Variants in SCAF8 observed in about 807,000 individuals in gnomAD.
SCAF8 encodes the protein SR-related and CTD-associated factor 8.
Under a neutral mutation model 140.5 loss-of-function variants are expected in SCAF8, and 23 were observed. The observed-to-expected ratio is 0.16, with a 90% CI of 0.12 to 0.23. SCAF8 has a LOEUF of 0.23. Among genes scored for constraint, SCAF8 ranks in the 10% least tolerant of loss-of-function variants. The pLI, the probability that SCAF8 is intolerant of heterozygous loss-of-function variation, is 1.00. For synonymous variants in SCAF8, 575 were observed against 528.9 expected (o/e 1.09, Z -1.20); for missense variants, 1,397 against 1,555.7 (o/e 0.90, Z 1.72).
In SCAF8 at chr6:154,832,667, C is replaced by T. The variant is rs141783008; in HGVS notation, c.3088C>T (p.Pro1030Ser). 177 of 1,613,994 alleles carry T rather than the reference C, an allele frequency of 1.1e-4. No individual in the cohort carries two copies. In the African/African-American group the frequency reaches 1.4e-3, roughly 13 times the overall value. ...AGAAACCAGGGAAAGCATTAGTAGA[C>T]CTCCCCCTGTGGATGTTAGAGATGT... ...PIETRESISRPPPVDVRDVVG... is the reference protein window; with the variant it reads ...PIETRESISRSPPVDVRDVVG... Residue 1030 changes from proline to serine, a missense_variant, in exon 20 of 20, where the codon CCT (proline) becomes TCT (serine). Coordinates refer to ENST00000367178, the MANE Select transcript of SCAF8 (RefSeq NM_014892.5).
chr6:154,750,421 C>G (rs1365014194), intron 1 of SCAF8, among the ~76,000 whole-genome samples: 13 of 151,594 alleles, frequency 8.6e-5, no homozygotes, highest in Non-Finnish European at 1.6e-4. Flanking sequence ...AGAGGAAGAT[C>G]TTGTAGAATC....
intron 8 of SCAF8, among the ~76,000 whole-genome samples, chr6:154,804,948 C>T (rs2114903892): frequency 6.6e-6 from 1 of 152,198 alleles, no homozygotes; most frequent in South Asian, 2.1e-4. Flanking sequence ...TGGTCAATTA[C>T]AATGGTAGAT....
At chr6:154,770,510 G>C (rs1776724048) in intron 1 of SCAF8, among the ~76,000 whole-genome samples, 1 of 151,884 alleles carries the variant, frequency 6.6e-6, no homozygotes, top group Admixed American at 6.6e-5. Flanking sequence ...GGTCAAGGCT[G>C]CAGTGATCGG....
Position 154,832,153 on chromosome 6 carries a change from G to GCCA in SCAF8, c.2577_2579dup (p.Pro860dup). On this transcript the variant is annotated inframe_insertion, in exon 20 of 20. Coordinates refer to ENST00000367178, the MANE Select transcript of SCAF8 (RefSeq NM_014892.5). ...ATAACTCTGGAATATTGGGAATACA[G>GCCA]CCACCCAGTGTGTCAAATAGTTCTG... 6.2e-7 allele frequency: 1 copy of GCCA among 1,614,032 alleles called. No individual in the cohort carries two copies.
At chr6:154,811,205 T>A (rs903559116) in intron 12 of SCAF8, among the ~76,000 whole-genome samples, 1 of 152,194 alleles carries the variant, frequency 6.6e-6, no homozygotes, top group Non-Finnish European at 1.5e-5. Context: ...ATTTTAGTGC[T>A]GGCTGATAAA....
At chr6:154,824,650 T>C (rs1401256847) in intron 17 of SCAF8, among the ~76,000 whole-genome samples, 1 of 152,096 alleles carries the variant, frequency 6.6e-6, no homozygotes, top group Non-Finnish European at 1.5e-5. Flanking sequence ...TTTAGAATAA[T>C]TGAAAACCAT....
At chr6:154,814,724 A>G (rs1004140625) in intron 12 of SCAF8, among the ~76,000 whole-genome samples, 10 of 152,238 alleles carry the variant, frequency 6.6e-5, no homozygotes, top group African/African-American at 2.2e-4. Context: ...AATATTTTTT[A>G]AATAAATGTC....
chr6:154,751,489 A>T (rs988581600), intron 1 of SCAF8, among the ~76,000 whole-genome samples: 3 of 152,100 alleles, frequency 2.0e-5, no homozygotes, highest in Non-Finnish European at 4.4e-5. Context: ...TGGCCTGCCA[A>T]AGTGCTGAGA....
chr6:154,789,980 T>C (rs1419688194), intron 4 of SCAF8, among the ~76,000 whole-genome samples: 1 of 152,218 alleles, frequency 6.6e-6, no homozygotes, highest in Non-Finnish European at 1.5e-5. Context: ...ATTTAGAAAT[T>C]TCACTAGTTT....
chr6:154,802,241 C>A, intron 7 of SCAF8, 94 bp downstream of exon 7: 1 of 713,334 alleles, frequency 1.4e-6, no homozygotes, highest in Non-Finnish European at 2.2e-6. Flanking sequence ...TTATTGTAGA[C>A]TTTCAGTATC....
chr6:154,822,017 A>G (rs1234032635), intron 15 of SCAF8: 2 of 305,500 alleles, frequency 6.5e-6, no homozygotes, highest in Non-Finnish European at 1.2e-5. Flanking sequence ...TATCTATTGT[A>G]TCTCTTCTAA....
At position 154,745,146 on chromosome 6, in the gene SCAF8, A is replaced by G. The variant is rs1031634879; in HGVS notation, c.30+11216A>G. 1.1e-4 allele frequency among the ~76,000 whole-genome samples: 16 copies of G among 152,320 alleles called. No individual in the cohort carries two copies. In the East Asian group the frequency reaches 1.3e-3, roughly 13 times the overall value. On this transcript the variant is annotated intron_variant, in intron 1 of 19. Transcript: ENST00000367178. ...TCTTAGTCTCCCTTAATGTGAATCA[A>G]TTGGTTACTCCTCTTCTCTTGTATG...
chr6:154,772,780 AGAGTCTCCCTCTG>A, intron 1 of SCAF8, among the ~76,000 whole-genome samples: 1 of 152,148 alleles, frequency 6.6e-6, no homozygotes, highest in Admixed American at 6.5e-5. Context: ...TTTTTGAGAC[AGAGTCTCCCTCTG>A]GAGTCTCCCA....
intron 4 of SCAF8, among the ~76,000 whole-genome samples, chr6:154,790,442 T>G (rs573211093): frequency 7.3e-5 from 11 of 151,588 alleles, no homozygotes; most frequent in Admixed American, 2.0e-4. Context: ...CAGATCTTTA[T>G]TCTGAAAATT....
chr6:154,788,069 T>G, intron 4 of SCAF8, 47 bp downstream of exon 4: 3 of 1,487,118 alleles, frequency 2.0e-6, no homozygotes, highest in Non-Finnish European at 2.7e-6. Context: ...GTAGATACAG[T>G]AGCCTCTTGG....
At chr6:154,791,599 A>G (rs1159615415) in intron 4 of SCAF8, among the ~76,000 whole-genome samples, 1 of 151,828 alleles carries the variant, frequency 6.6e-6, no homozygotes, top group African/African-American at 2.4e-5. Context: ...TCCTTCTGGT[A>G]TACTGTCTTA....
chr6:154,802,567 A>G (rs201030243), intron 7 of SCAF8, among the ~76,000 whole-genome samples: 2 of 152,244 alleles, frequency 1.3e-5, no homozygotes, highest in East Asian at 3.9e-4. Context: ...CAGTGAGCCA[A>G]GATTGAGCAA....
chr6:154,776,475 GAATT>G (rs1776922093), intron 2 of SCAF8, among the ~76,000 whole-genome samples: 1 of 152,000 alleles, frequency 6.6e-6, no homozygotes, highest in African/African-American at 2.4e-5. Context: ...AGGCCTATGA[GAATT>G]AATAAACTTT....
At chr6:154,796,700 C>T (rs551897170) in intron 6 of SCAF8, among the ~76,000 whole-genome samples, 197 of 152,226 alleles carry the variant, frequency 1.3e-3, no homozygotes, top group African/African-American at 4.5e-3. Flanking sequence ...GGGCCAGGCA[C>T]GGTGGCTCAC....
Sources: gnomAD v4.1 joint callset for allele counts (sites outside exome capture counted in the v4.1 genomes callset) on GRCh38, gnomAD v4.1.1 for gene constraint, MANE v1.5 for transcripts, NCBI Gene and HGNC (gene_info 2026-07-23, HGNC 2026-07-21) for gene names.